The following EYA1 variants were observed in gnomAD, a reference collection of about 807,000 sequenced individuals.
The protein encoded by EYA1 is protein phosphatase EYA1.
In EYA1, 16 loss-of-function variants were observed where a neutral mutation model predicts 82.0. The ratio of observed to expected loss-of-function variants is 0.20; its 90% CI spans 0.13 to 0.30. The LOEUF (loss-of-function observed/expected upper bound fraction) is 0.30, where lower values mean the gene tolerates loss of function less well. Ranked by LOEUF, EYA1 falls within the 10% of genes least tolerant of loss-of-function variation. The pLI is 1.00. For missense variants in EYA1, 633 were observed against 730.7 expected, an observed-to-expected ratio of 0.87 and a Z score of 1.54; for synonymous variants, 261 against 264.4, an observed-to-expected ratio of 0.99 and a Z score of 0.12.
intron 2 of EYA1, among the ~76,000 whole-genome samples, chr8:71,456,012 T>C (rs1158287181): frequency 1.3e-5 from 2 of 152,112 alleles, no homozygotes; most frequent in Non-Finnish European, 1.5e-5. Context: ...AAAACCCCAT[T>C]ATCTCAGCCC....
chr8:71,261,822 A>G (rs1586057374), intron 11 of EYA1, among the ~76,000 whole-genome samples: 1 of 152,066 alleles, frequency 6.6e-6, no homozygotes, highest in South Asian at 2.1e-4. Flanking sequence ...CAGTCGAAAG[A>G]CCTATCAGGA....
chr8:71,544,887 T>TG (rs1281600016), intron 1 of EYA1, among the ~76,000 whole-genome samples: 6 of 152,252 alleles, frequency 3.9e-5, no homozygotes, highest in Non-Finnish European at 8.8e-5. Flanking sequence ...AGTTTCTGCC[T>TG]ATCATTCAGG....
intron 16 of EYA1, among the ~76,000 whole-genome samples, chr8:71,213,540 T>C (rs922880342): frequency 1.3e-5 from 2 of 152,270 alleles, no homozygotes; most frequent in Admixed American, 6.5e-5. Context: ...TATAATGGGC[T>C]ACTAGGAATT....
intron 11 of EYA1, among the ~76,000 whole-genome samples, chr8:71,267,599 A>AGT (rs1816001314): frequency 6.6e-6 from 1 of 152,204 alleles, no homozygotes; most frequent in Non-Finnish European, 1.5e-5. Context: ...CCCAGGCTGG[A>AGT]GCACAGTGGC....
chr8:71,440,035 A>T (rs1053561485), intron 2 of EYA1, among the ~76,000 whole-genome samples: 2 of 152,178 alleles, frequency 1.3e-5, no homozygotes, highest in African/African-American at 4.8e-5. Context: ...TGGCTTCTAG[A>T]GGTAGAGATA....
At chr8:71,516,226 AGCCAC>A (rs1170828332) in intron 2 of EYA1, among the ~76,000 whole-genome samples, 1 of 152,210 alleles carries the variant, frequency 6.6e-6, no homozygotes, top group Non-Finnish European at 1.5e-5. Flanking sequence ...TTCATTGAAT[AGCCAC>A]TGAGTACCAG....
chr8:71,278,022 G>T (rs1032439822), intron 9 of EYA1, among the ~76,000 whole-genome samples: 5 of 151,986 alleles, frequency 3.3e-5, no homozygotes, highest in East Asian at 1.9e-4. Context: ...ACTGGAACTC[G>T]CAAGAGTCCA....
At chr8:71,221,351 G>A (rs1231043414) in intron 12 of EYA1, among the ~76,000 whole-genome samples, 1 of 152,080 alleles carries the variant, frequency 6.6e-6, no homozygotes, top group East Asian at 1.9e-4. Context: ...GGAACCCCGG[G>A]GGCTTAGTGA....
chr8:71,249,917 C>G (rs951859619), intron 11 of EYA1, among the ~76,000 whole-genome samples: 1 of 152,198 alleles, frequency 6.6e-6, no homozygotes, highest in Non-Finnish European at 1.5e-5. Flanking sequence ...CCAACCCAGA[C>G]CTTGGCATTT....
intron 2 of EYA1, among the ~76,000 whole-genome samples, chr8:71,510,223 C>A (rs538242060): frequency 1.3e-5 from 2 of 152,072 alleles, no homozygotes; most frequent in Non-Finnish European, 2.9e-5. Context: ...TGGGTCAAAT[C>A]TGAAGCAAAG....
At position 71,317,684 on chromosome 8, in the gene EYA1, A is replaced by G. The variant is rs771390031; in HGVS notation, c.424T>C (p.Leu142=). The G allele has an allele frequency of 8.7e-6, 14 of 1,613,978 alleles. No individual in the cohort carries two copies. Among genetic ancestry groups the G allele is most frequent in the African/African-American group, 4.0e-5 (3 of 74,926 alleles). ...QPYGISSYGA[L]WAGIKTEGGL... ...CCTTCAGTCTTGATGCCTGCCCACA[A>G]TGCACCTAAATCAGTTAGTGATAGC... Residue 142 remains leucine, a synonymous_variant, in exon 7 of 18, where the codon TTG becomes CTG. Coordinates refer to ENST00000340726, the MANE Select transcript of EYA1 (RefSeq NM_000503.6).
chr8:71,463,612 TC>T (rs1808547640), intron 2 of EYA1, among the ~76,000 whole-genome samples: 18 of 134,084 alleles, frequency 1.3e-4, no homozygotes, highest in African/African-American at 5.4e-4. Flanking sequence ...TCTCTCTCTC[TC>T]TCTCTCTCTC....
At chr8:71,456,058 G>C (rs2129184627) in intron 2 of EYA1, among the ~76,000 whole-genome samples, 1 of 152,312 alleles carries the variant, frequency 6.6e-6, no homozygotes, top group South Asian at 2.1e-4. Flanking sequence ...CTTCAGCAAA[G>C]TCTCAGGATA....
intron 2 of EYA1, among the ~76,000 whole-genome samples, chr8:71,381,163 G>T (rs1828680509): frequency 6.6e-6 from 1 of 152,192 alleles, no homozygotes; most frequent in African/African-American, 2.4e-5. Flanking sequence ...TTTCACTCTG[G>T]CCTGGGGTCA....
chr8:71,233,850 G>T (rs1563664760), intron 12 of EYA1, among the ~76,000 whole-genome samples: 1 of 152,068 alleles, frequency 6.6e-6, no homozygotes, highest in Non-Finnish European at 1.5e-5. Flanking sequence ...ACTACTATTA[G>T]AAAAATTTGA....
intron 2 of EYA1, among the ~76,000 whole-genome samples, chr8:71,515,975 T>C (rs1812945933): frequency 6.6e-6 from 1 of 152,188 alleles, no homozygotes; most frequent in Non-Finnish European, 1.5e-5. Flanking sequence ...ACTAAGTATA[T>C]CCTTACTTTG....
intron 2 of EYA1, among the ~76,000 whole-genome samples, chr8:71,399,549 A>G (rs919590320): frequency 1.3e-5 from 2 of 152,192 alleles, no homozygotes; most frequent in African/African-American, 4.8e-5. Flanking sequence ...CACAATTGCT[A>G]TAAGAAGAGT....
intron 12 of EYA1, among the ~76,000 whole-genome samples, chr8:71,227,968 GAACA>G (rs1486351021): frequency 6.6e-6 from 1 of 152,126 alleles, no homozygotes; most frequent in African/African-American, 2.4e-5. Context: ...TTGCATAAAA[GAACA>G]TACAGCTCAG....
intron 2 of EYA1, among the ~76,000 whole-genome samples, chr8:71,504,051 TTTTA>T (rs1170564484): frequency 2.6e-5 from 4 of 152,218 alleles, no homozygotes; most frequent in Admixed American, 2.6e-4. Flanking sequence ...TACATAAATG[TTTTA>T]TTTATGTTAC....
Sources: gnomAD v4.1 joint callset for allele counts (sites outside exome capture counted in the v4.1 genomes callset) on GRCh38, gnomAD v4.1.1 for gene constraint, MANE v1.5 for transcripts, NCBI Gene and HGNC (gene_info 2026-07-23, HGNC 2026-07-21) for gene names.